HS6ST3: variants seen among roughly 807,000 people sequenced by gnomAD.
HS6ST3 encodes the protein heparan sulfate 6-O-sulfotransferase 3, also known as heparan-sulfate 6-O-sulfotransferase 3.
HS6ST3 carries 12 observed loss-of-function variants against 36.7 expected under a neutral mutation model. The observed-to-expected ratio is 0.33, with a 90% CI of 0.21 to 0.53. HS6ST3 has a LOEUF of 0.53. Among genes scored for constraint, HS6ST3 ranks in the 20% least tolerant of loss-of-function variants. HS6ST3 has a pLI of 0.95. For synonymous variants in HS6ST3, 240 were observed against 257.5 expected, an observed-to-expected ratio of 0.93 and a Z score of 0.65; for missense variants, 584 against 640.9, an observed-to-expected ratio of 0.91 and a Z score of 0.96.
At chr13:96,555,326 A>G (rs1376939426) in intron 1 of HS6ST3, among the ~76,000 whole-genome samples, 1 of 152,176 alleles carries the variant, frequency 6.6e-6, no homozygotes, top group East Asian at 1.9e-4. Context: ...TTATTTCTCT[A>G]TTAACACAAT....
chr13:96,660,584 A>C (rs1462174895), intron 1 of HS6ST3, among the ~76,000 whole-genome samples: 3 of 152,120 alleles, frequency 2.0e-5, no homozygotes, highest in Non-Finnish European at 4.4e-5. Flanking sequence ...CTAAAAGAAA[A>C]CACAGGGTGA....
chr13:96,542,047 C>T (rs886899119), intron 1 of HS6ST3, among the ~76,000 whole-genome samples: 3 of 152,154 alleles, frequency 2.0e-5, no homozygotes, highest in Non-Finnish European at 2.9e-5. Context: ...ATTAGTTATG[C>T]ATATCTACAG....
At chr13:96,751,888 A>G (rs543847505) in intron 1 of HS6ST3, among the ~76,000 whole-genome samples, 1 of 150,808 alleles carries the variant, frequency 6.6e-6, no homozygotes, top group East Asian at 1.9e-4. Context: ...AAGTTTATAT[A>G]TATATAAACT....
rs980546858 is a variant in HS6ST3 at position 96,689,661 on chromosome 13, C to T, written c.708-142829C>T. Among the ~76,000 whole-genome samples, 11 of 123,376 alleles carry T rather than the reference C, an allele frequency of 8.9e-5. 1 individual carries two copies. Among genetic ancestry groups the T allele is most frequent in the African/African-American group, 3.4e-4 (11 of 32,026 alleles). 80.9% of individuals were successfully genotyped at this position (123,376 alleles called of 152,430 possible). On this transcript the variant is annotated intron_variant, in intron 1 of 1. Coordinates refer to ENST00000376705, the MANE Select transcript of HS6ST3 (RefSeq NM_153456.4). ...AGATTGGCATATGAAAATAAGAATACCTGCTTTATAAACACCAAGAAAATG... is the reference window on the plus strand; with the variant it reads ...AGATTGGCATATGAAAATAAGAATATCTGCTTTATAAACACCAAGAAAATG...
At chr13:96,472,575 C>T (rs895165786) in intron 1 of HS6ST3, among the ~76,000 whole-genome samples, 1 of 152,134 alleles carries the variant, frequency 6.6e-6, no homozygotes, top group Non-Finnish European at 1.5e-5. Flanking sequence ...TGCTTGTCTC[C>T]AGCATTGTAC....
At chr13:96,460,661 A>T (rs2055779571) in intron 1 of HS6ST3, among the ~76,000 whole-genome samples, 1 of 152,080 alleles carries the variant, frequency 6.6e-6, no homozygotes, top group South Asian at 2.1e-4. Flanking sequence ...GATTTTTGGT[A>T]TTTTTACACT....
chr13:96,616,862 T>C (rs2056475941), intron 1 of HS6ST3, among the ~76,000 whole-genome samples: 1 of 152,168 alleles, frequency 6.6e-6, no homozygotes, highest in Non-Finnish European at 1.5e-5. Flanking sequence ...TAAATTTCTG[T>C]TGAATAAACG....
At chr13:96,676,616 C>G (rs116508841) in intron 1 of HS6ST3, among the ~76,000 whole-genome samples, 271 of 152,214 alleles carry the variant, frequency 1.8e-3, no homozygotes, top group African/African-American at 6.4e-3. Context: ...CCAAGAGAAA[C>G]AGATAAGATT....
chr13:96,145,826 A>T (rs1163946313), intron 1 of HS6ST3, among the ~76,000 whole-genome samples: 4 of 152,198 alleles, frequency 2.6e-5, no homozygotes, highest in South Asian at 2.1e-4. Flanking sequence ...GAATTAATTT[A>T]TGTATAAGGT....
At chr13:96,770,487 C>T (rs1270705467) in intron 1 of HS6ST3, among the ~76,000 whole-genome samples, 1 of 152,090 alleles carries the variant, frequency 6.6e-6, no homozygotes, top group Non-Finnish European at 1.5e-5. Context: ...ATTATATTTA[C>T]TTGACATGAA....
At chr13:96,743,745 T>C (rs1012652338) in intron 1 of HS6ST3, among the ~76,000 whole-genome samples, 7 of 152,070 alleles carry the variant, frequency 4.6e-5, no homozygotes, top group South Asian at 2.1e-4. Context: ...TCTCTTGTAA[T>C]ATACATTTGG....
intron 1 of HS6ST3, among the ~76,000 whole-genome samples, chr13:96,467,305 G>A (rs763684103): frequency 6.6e-6 from 1 of 152,180 alleles, no homozygotes; most frequent in Non-Finnish European, 1.5e-5. Flanking sequence ...AGGCAGGACT[G>A]TCATCTTAGC....
intron 1 of HS6ST3, among the ~76,000 whole-genome samples, chr13:96,346,079 T>A (rs2139428442): frequency 6.6e-6 from 1 of 152,204 alleles, no homozygotes; most frequent in South Asian, 2.1e-4. Flanking sequence ...GAGGCAGAGC[T>A]CAGGTGGTAA....
In HS6ST3 at chr13:96,833,211, TC is replaced by T. The variant is rs773427647; in HGVS notation, c.*15del. On this transcript the variant is annotated 3_prime_UTR_variant, in exon 2 of 2. Coordinates refer to ENST00000376705, the MANE Select transcript of HS6ST3 (RefSeq NM_153456.4). ...GGTGAGATGGTGACCTCCTGCCCTC[TC>T]CTCTCTCAGGAGGGGGAGGGTGAGC... is the stretch of plus-strand genomic sequence containing the variant. 9 of 1,511,704 alleles carry T rather than the reference TC, an allele frequency of 6.0e-6. No homozygotes were observed. The highest frequency in any genetic ancestry group is 7.9e-6 in the Non-Finnish European group (9 of 1,137,078). The allele number at this position is 1,511,704 out of a possible 1,614,324, so 93.6% of individuals were successfully genotyped here. A position where few individuals can be genotyped will look rare whatever the true frequency, so the allele number is the denominator to read the frequency against.
intron 1 of HS6ST3, among the ~76,000 whole-genome samples, chr13:96,428,696 C>A (rs1467869285): frequency 2.0e-5 from 3 of 152,164 alleles, no homozygotes; most frequent in Non-Finnish European, 4.4e-5. Context: ...TTGGGGGTGG[C>A]AATTCAGCCC....
chr13:96,153,009 A>G (rs1376556290), intron 1 of HS6ST3, among the ~76,000 whole-genome samples: 3 of 152,140 alleles, frequency 2.0e-5, no homozygotes, highest in Non-Finnish European at 4.4e-5. Context: ...TAAACTAGTT[A>G]CCACTCTTCA....
At chr13:96,238,579 T>A (rs569986870) in intron 1 of HS6ST3, among the ~76,000 whole-genome samples, 1 of 152,322 alleles carries the variant, frequency 6.6e-6, no homozygotes, top group South Asian at 2.1e-4. Flanking sequence ...TAAAATGAAT[T>A]CTTTCTTCGT....
intron 1 of HS6ST3, among the ~76,000 whole-genome samples, chr13:96,294,327 T>C (rs1388816660): frequency 1.3e-5 from 2 of 152,194 alleles, no homozygotes; most frequent in African/African-American, 4.8e-5. Context: ...GCAGTAAGTC[T>C]ATACACTTAT....
chr13:96,379,792 G>A (rs958108861), intron 1 of HS6ST3, among the ~76,000 whole-genome samples: 2 of 152,042 alleles, frequency 1.3e-5, no homozygotes, highest in African/African-American at 2.4e-5. Context: ...ACAGACTTAC[G>A]TTTGAGAACT....
Sources: gnomAD v4.1 joint callset for allele counts (sites outside exome capture counted in the v4.1 genomes callset) on GRCh38, gnomAD v4.1.1 for gene constraint, MANE v1.5 for transcripts, NCBI Gene and HGNC (gene_info 2026-07-23, HGNC 2026-07-21) for gene names.